Variants in IMMP2L observed in about 807,000 individuals in gnomAD.
IMMP2L encodes the protein inner mitochondrial membrane peptidase subunit 2, also known as mitochondrial inner membrane protease subunit 2.
IMMP2L carries 18 observed loss-of-function variants against 19.3 expected under a neutral mutation model. The ratio of observed to expected loss-of-function variants is 0.93; its 90% CI spans 0.64 to 1.38. The LOEUF (loss-of-function observed/expected upper bound fraction) is 1.38, where lower values mean the gene tolerates loss of function less well. Ranked by LOEUF, IMMP2L falls within the 40% of genes most tolerant of loss-of-function variation. IMMP2L has a pLI of 0.00. For missense variants in IMMP2L, 233 were observed against 218.2 expected (o/e 1.07, Z -0.43); for synonymous variants, 76 against 73.0 (o/e 1.04, Z -0.21).
chr7:111,533,659 T>C (rs1339998533), intron 1 of IMMP2L, among the ~76,000 whole-genome samples: 1 of 152,110 alleles, frequency 6.6e-6, no homozygotes, highest in African/African-American at 2.4e-5. Flanking sequence ...GGAAGGAGAA[T>C]AAAATCAAAG....
intron 3 of IMMP2L, among the ~76,000 whole-genome samples, chr7:111,191,872 A>G (rs1001832266): frequency 1.3e-5 from 2 of 152,048 alleles, no homozygotes; most frequent in South Asian, 2.1e-4. Flanking sequence ...TACAAAAGAA[A>G]GCTACTTGGT....
chr7:110,913,967 G>C (rs1042742844), intron 4 of IMMP2L, among the ~76,000 whole-genome samples: 5 of 152,004 alleles, frequency 3.3e-5, no homozygotes, highest in African/African-American at 1.2e-4. Flanking sequence ...CTAATAATTT[G>C]GCAAACTTTC....
rs149330269 is a variant in IMMP2L, at chr7:111,427,120, G to A, written c.239+60118C>T. ...AAGACTGGTACTCTTTACGGAGTTCGCTAGCGAAGACCTTAGAATTCTTTT... is the reference window on the plus strand; with the variant it reads ...AAGACTGGTACTCTTTACGGAGTTCACTAGCGAAGACCTTAGAATTCTTTT... On this transcript the variant is annotated intron_variant, in intron 3 of 5. Transcript: ENST00000405709. Among the ~76,000 whole-genome samples the A allele has an allele frequency of 2.7e-4, 39 of 145,400 alleles. No homozygotes were observed. In the East Asian group the frequency reaches 4.1e-3, roughly 15 times the overall value.
intron 5 of IMMP2L, among the ~76,000 whole-genome samples, chr7:110,847,801 G>C (rs780451467): frequency 6.6e-6 from 1 of 152,100 alleles, no homozygotes; most frequent in Non-Finnish European, 1.5e-5. Flanking sequence ...TAAGTCAATG[G>C]AGAAAGCACA....
intron 5 of IMMP2L, among the ~76,000 whole-genome samples, chr7:110,753,955 G>A (rs576281783): frequency 1.3e-5 from 2 of 151,854 alleles, no homozygotes; most frequent in Non-Finnish European, 2.9e-5. Context: ...AAGGTTTTGG[G>A]GCACCATCTA....
rs564496905 is a variant in IMMP2L at position 110,824,898 on chromosome 7, T to C, written c.408+61695A>G. ...ACATTTAATAAAAGAGGAAGTCAAA[T>C]TGTCCCTGTTTGCAGATGACATGAT... On this transcript the variant is annotated intron_variant, in intron 5 of 5. Transcript: ENST00000405709. Among the ~76,000 whole-genome samples, 35 of 152,272 alleles carry C rather than the reference T, an allele frequency of 2.3e-4. 1 individual carries two copies. In the South Asian group the frequency reaches 7.3e-3, roughly 32 times the overall value.
intron 3 of IMMP2L, among the ~76,000 whole-genome samples, chr7:111,034,889 A>G (rs150598185): frequency 6.6e-6 from 1 of 152,282 alleles, no homozygotes; most frequent in East Asian, 1.9e-4. Context: ...ACTTAGTAAG[A>G]GCTGAGTAAA....
rs1253581147 is a variant in IMMP2L at position 111,057,436 on chromosome 7, T to G, written c.240-93871A>C. Among the ~76,000 whole-genome samples the G allele has an allele frequency of 2.0e-5, 3 of 152,200 alleles. No individual in the cohort carries two copies. In the South Asian group the frequency reaches 6.2e-4, roughly 31 times the overall value. Reference sequence around the variant, plus strand: ...TAACACCAAAAAAAAAAAACTCTTTTGTAAATCTTACAGAACAGATATGTA... The same window carrying G: ...TAACACCAAAAAAAAAAAACTCTTTGGTAAATCTTACAGAACAGATATGTA... On this transcript the variant is annotated intron_variant, in intron 3 of 5. Transcript: ENST00000405709.
intron 3 of IMMP2L, among the ~76,000 whole-genome samples, chr7:111,479,451 C>T (rs561090395): frequency 4.8e-4 from 73 of 152,132 alleles, no homozygotes; most frequent in African/African-American, 1.7e-3. Context: ...TTTATGTATG[C>T]CTCTATATCT....
intron 3 of IMMP2L, among the ~76,000 whole-genome samples, chr7:111,440,005 G>A (rs1006085079): frequency 3.3e-5 from 5 of 151,792 alleles, no homozygotes; most frequent in South Asian, 2.1e-4. Flanking sequence ...CTCCTCATCC[G>A]TTCAAGATTT....
intron 3 of IMMP2L, among the ~76,000 whole-genome samples, chr7:111,438,590 A>C (rs1228083418): frequency 3.9e-5 from 6 of 151,906 alleles, no homozygotes; most frequent in Non-Finnish European, 8.8e-5. Context: ...TCTTATTCAC[A>C]CAAAGCTGTG....
At chr7:111,242,547 C>A (rs1185377539) in intron 3 of IMMP2L, among the ~76,000 whole-genome samples, 1 of 152,074 alleles carries the variant, frequency 6.6e-6, no homozygotes, top group African/African-American at 2.4e-5. Context: ...AAATACAATT[C>A]ATTCACCTGA....
At chr7:111,415,897 C>CA (rs1447242562) in intron 3 of IMMP2L, among the ~76,000 whole-genome samples, 2 of 149,618 alleles carry the variant, frequency 1.3e-5, no homozygotes, top group African/African-American at 5.1e-5. Context: ...ACAACAACAA[C>CA]AAAAAAACAG....
rs1848812548 is a variant in IMMP2L, at chr7:111,545,160, GAGAA to G, written c.-3+16687_-3+16690del. Among the ~76,000 whole-genome samples the G allele has an allele frequency of 2.6e-5, 4 of 152,038 alleles. No homozygotes were observed. In the South Asian group the frequency reaches 8.3e-4, roughly 32 times the overall value. On this transcript the variant is annotated intron_variant, in intron 1 of 5. Transcript: ENST00000405709. Reference sequence around the variant, plus strand: ...TTAAATATTAATTTTTTTTAAAAAAGAGAAAGAACAGGTTGGTCAGCTCTGCCCA... The same window carrying G: ...TTAAATATTAATTTTTTTTAAAAAAGAGAACAGGTTGGTCAGCTCTGCCCA...
At chr7:111,211,577 A>G (rs1811313508) in intron 3 of IMMP2L, among the ~76,000 whole-genome samples, 1 of 152,224 alleles carries the variant, frequency 6.6e-6, no homozygotes. Context: ...AACTTGACAG[A>G]TAAATGTAGT....
chr7:111,367,918 G>A (rs1002706904), intron 3 of IMMP2L, among the ~76,000 whole-genome samples: 4 of 151,228 alleles, frequency 2.6e-5, no homozygotes, highest in East Asian at 1.9e-4. Context: ...AGCAACAAAC[G>A]CTGTACATAA....
chr7:111,379,816 G>A (rs547695518), intron 3 of IMMP2L, among the ~76,000 whole-genome samples: 7 of 151,808 alleles, frequency 4.6e-5, no homozygotes, highest in South Asian at 4.2e-4. Context: ...AAGTCAGTTC[G>A]AGTCTGCAAT....
rs951801384 is a variant in IMMP2L at position 111,449,043 on chromosome 7, G to C, written c.239+38195C>G. Reference sequence around the variant, plus strand: ...GAATCTCTGAATAGACCAATAACAGGAGCTAAAATTGTGGCAATAATCAAT... The same window carrying C: ...GAATCTCTGAATAGACCAATAACAGCAGCTAAAATTGTGGCAATAATCAAT... On this transcript the variant is annotated intron_variant, in intron 3 of 5. Coordinates refer to ENST00000405709, the MANE Select transcript of IMMP2L (RefSeq NM_032549.4). 9.2e-4 allele frequency among the ~76,000 whole-genome samples: 140 copies of C among 151,550 alleles called. 2 individuals are homozygous for C. Among genetic ancestry groups the C allele is most frequent in the African/African-American group, 3.2e-3 (132 of 41,248 alleles).
At chr7:110,697,568 C>CT (rs1793980346) in intron 5 of IMMP2L, among the ~76,000 whole-genome samples, 2 of 152,122 alleles carry the variant, frequency 1.3e-5, no homozygotes, top group Admixed American at 6.6e-5. Context: ...CTTTGGGAGG[C>CT]TGAGGTGGGA....
Sources: gnomAD v4.1 joint callset for allele counts (sites outside exome capture counted in the v4.1 genomes callset) on GRCh38, gnomAD v4.1.1 for gene constraint, MANE v1.5 for transcripts, NCBI Gene and HGNC (gene_info 2026-07-23, HGNC 2026-07-21) for gene names.